The following NUMB variants were observed in gnomAD, a reference collection of about 807,000 sequenced individuals.
NUMB encodes the protein NUMB endocytic adaptor protein.
NUMB carries 29 observed loss-of-function variants against 59.7 expected under a neutral mutation model. The observed-to-expected ratio is 0.49, with a 90% CI of 0.36 to 0.66. The LOEUF (loss-of-function observed/expected upper bound fraction) is 0.66. NUMB is among the 30% of genes least tolerant of loss of function. The pLI, the probability that NUMB is intolerant of heterozygous loss-of-function variation, is 0.00. For synonymous variants in NUMB, 288 were observed against 288.2 expected, an observed-to-expected ratio of 1.00 and a Z score of 0.01; for missense variants, 723 against 822.0, an observed-to-expected ratio of 0.88 and a Z score of 1.47.
intron 4 of NUMB, among the ~76,000 whole-genome samples, chr14:73,337,125 G>C (rs1035080987): frequency 1.3e-5 from 2 of 151,244 alleles, no homozygotes; most frequent in Non-Finnish European, 1.5e-5. Context: ...AAAAAAGCAA[G>C]ACTCTGTCTT....
At chr14:73,298,688 A>G (rs1889929097) in intron 6 of NUMB, 1 of 152,226 alleles carries the variant, frequency 6.6e-6, no homozygotes, top group Non-Finnish European at 1.5e-5. Flanking sequence ...AGCCTCTAGA[A>G]GCGACAAGGG....
chr14:73,401,791 G>T (rs1364606991), intron 2 of NUMB, among the ~76,000 whole-genome samples: 1 of 151,878 alleles, frequency 6.6e-6, no homozygotes, highest in African/African-American at 2.4e-5. Context: ...GGATGGTCTC[G>T]ATCTCCTGAC....
intron 4 of NUMB, among the ~76,000 whole-genome samples, chr14:73,330,603 G>A (rs1026421859): frequency 6.6e-6 from 1 of 152,156 alleles, no homozygotes; most frequent in African/African-American, 2.4e-5. Context: ...GTAACCACTG[G>A]CAGTTTGAGG....
intron 1 of NUMB, among the ~76,000 whole-genome samples, chr14:73,426,446 C>T (rs2140160484): frequency 6.6e-6 from 1 of 152,246 alleles, no homozygotes; most frequent in South Asian, 2.1e-4. Context: ...GGGGCTCACA[C>T]TTGTAATCTC....
Position 73,350,233 on chromosome 14 carries a change from G to A in NUMB, c.126+5393C>T, listed in dbSNP as rs934089012. On this transcript the variant is annotated intron_variant, in intron 4 of 12. Coordinates refer to ENST00000555238, the MANE Select transcript of NUMB (RefSeq NM_001005743.2). ...CTATCACCCAGGCTGGGGTGCAGTGGCGTGATCTCAGCTCACTGCAACCTC... is the reference window on the plus strand; with the variant it reads ...CTATCACCCAGGCTGGGGTGCAGTGACGTGATCTCAGCTCACTGCAACCTC... Among the ~76,000 whole-genome samples, 3 of 149,704 alleles carry A rather than the reference G, an allele frequency of 2.0e-5. No individual in the cohort carries two copies. In the East Asian group the frequency reaches 5.9e-4, roughly 30 times the overall value.
At chr14:73,422,844 A>G (rs1043783796) in intron 1 of NUMB, among the ~76,000 whole-genome samples, 1 of 149,472 alleles carries the variant, frequency 6.7e-6, no homozygotes, top group African/African-American at 2.5e-5. Context: ...TGGGAATCAC[A>G]TTTCAACGTC....
intron 2 of NUMB, among the ~76,000 whole-genome samples, chr14:73,389,150 A>G (rs2140094626): frequency 6.8e-6 from 1 of 146,794 alleles, no homozygotes; most frequent in South Asian, 2.2e-4. Flanking sequence ...GCGCACCTGT[A>G]CTCCCAGCTA....
intron 6 of NUMB, chr14:73,298,807 C>T (rs1052235580): frequency 1.3e-5 from 2 of 152,126 alleles, no homozygotes; most frequent in Admixed American, 6.6e-5. Flanking sequence ...GCCTCATCAT[C>T]TCCACCACCA....
intron 1 of NUMB, among the ~76,000 whole-genome samples, chr14:73,426,022 C>T (rs1897562380): frequency 6.6e-6 from 1 of 151,982 alleles, no homozygotes; most frequent in Non-Finnish European, 1.5e-5. Flanking sequence ...GTTCTCCAGT[C>T]TAGTCTCAAA....
At chr14:73,321,164 T>A (rs980715727) in intron 5 of NUMB, among the ~76,000 whole-genome samples, 8 of 152,188 alleles carry the variant, frequency 5.3e-5, no homozygotes, top group Non-Finnish European at 1.2e-4. Flanking sequence ...ACCTCTAGCT[T>A]TTCCTTACTT....
At chr14:73,403,933 A>T (rs1183207198) in intron 2 of NUMB, among the ~76,000 whole-genome samples, 1 of 152,038 alleles carries the variant, frequency 6.6e-6, no homozygotes, top group Non-Finnish European at 1.5e-5. Flanking sequence ...TCTCTACTAA[A>T]AATACAAAAA....
chr14:73,450,857 A>G (rs1451258358), intron 1 of NUMB, among the ~76,000 whole-genome samples: 1 of 151,688 alleles, frequency 6.6e-6, no homozygotes, highest in Non-Finnish European at 1.5e-5. Flanking sequence ...TATTAAAAGA[A>G]ATTAAGTAAA....
In NUMB at chr14:73,350,074, T is replaced by TACACACAC. The variant is rs1172254479; in HGVS notation, c.126+5551_126+5552insGTGTGTGT. On this transcript the variant is annotated intron_variant, in intron 4 of 12. Transcript: ENST00000555238. ...ATACATACATATATACATACATACA[T>TACACACAC]ACATACACACACACACACACACACA... Among the ~76,000 whole-genome samples, 658 of 131,096 alleles carry TACACACAC rather than the reference T, an allele frequency of 5.0e-3. 5 individuals are homozygous for TACACACAC. The highest frequency in any genetic ancestry group is 0.017 in the African/African-American group (566 of 32,580). The allele number at this position is 131,096 out of a possible 152,430, so 86.0% of individuals were successfully genotyped here. A position where few individuals can be genotyped will look rare whatever the true frequency, so the allele number is the denominator to read the frequency against.
chr14:73,345,140 T>C (rs778940486), intron 4 of NUMB, among the ~76,000 whole-genome samples: 8 of 152,340 alleles, frequency 5.3e-5, no homozygotes, highest in Non-Finnish European at 1.0e-4. Flanking sequence ...ATGTGGTATG[T>C]ATATACCATG....
At chr14:73,406,703 C>A (rs1163626416) in intron 2 of NUMB, among the ~76,000 whole-genome samples, 1 of 152,150 alleles carries the variant, frequency 6.6e-6, no homozygotes. Context: ...AGTTTACACT[C>A]CCACCAACAG....
At chr14:73,454,252 A>G (rs1410079055) in intron 1 of NUMB, among the ~76,000 whole-genome samples, 3 of 152,208 alleles carry the variant, frequency 2.0e-5, no homozygotes, top group African/African-American at 7.2e-5. Flanking sequence ...GAGTTCAGAA[A>G]TCTGCAGAAT....
rs541842186 is a variant in NUMB, at chr14:73,327,074, C to A, written c.127-3870G>T. 2.4e-4 allele frequency among the ~76,000 whole-genome samples: 36 copies of A among 152,064 alleles called. 1 individual carries two copies. Among genetic ancestry groups the A allele is most frequent in the African/African-American group, 8.5e-4 (35 of 41,402 alleles). ...TTAAAAAAAAAACAGGTTCTTTCCA[C>A]ATTTTTTCCTACAATTTTTAAAAAT... On this transcript the variant is annotated intron_variant, in intron 4 of 12. Coordinates refer to ENST00000555238, the MANE Select transcript of NUMB (RefSeq NM_001005743.2).
intron 1 of NUMB, among the ~76,000 whole-genome samples, chr14:73,436,744 G>A (rs1333396244): frequency 1.3e-5 from 2 of 151,916 alleles, no homozygotes; most frequent in African/African-American, 4.8e-5. Context: ...ACTTTCGGAG[G>A]CTGAGGCGGG....
At chr14:73,319,921 T>G (rs1257727521) in intron 5 of NUMB, among the ~76,000 whole-genome samples, 1 of 152,024 alleles carries the variant, frequency 6.6e-6, no homozygotes, top group East Asian at 1.9e-4. Flanking sequence ...CACGAGGTCA[T>G]GAATTCAAGA....
Sources: gnomAD v4.1 joint callset for allele counts (sites outside exome capture counted in the v4.1 genomes callset) on GRCh38, gnomAD v4.1.1 for gene constraint, MANE v1.5 for transcripts, NCBI Gene and HGNC (gene_info 2026-07-23, HGNC 2026-07-21) for gene names.